HMCN2: variants seen among roughly 807,000 people sequenced by gnomAD.
HMCN2 encodes the protein hemicentin 2.
In HMCN2, 325 loss-of-function variants were observed where a neutral mutation model predicts 377.5. That is an observed-to-expected ratio of 0.86 (90% CI 0.79 to 0.94). HMCN2 has a LOEUF of 0.94. Among genes scored for constraint, HMCN2 ranks in the 40% least tolerant of loss-of-function variants. HMCN2 has a pLI of 0.00. For synonymous variants in HMCN2, 2,007 were observed against 2,046.8 expected, an observed-to-expected ratio of 0.98 and a Z score of 0.53; for missense variants, 4,543 against 4,725.3, an observed-to-expected ratio of 0.96 and a Z score of 1.13.
At position 130,351,438 on chromosome 9, in the gene HMCN2, A is replaced by C; in HGVS notation, c.4446A>C (p.Gly1482=). Residue 1482 remains glycine (G), a synonymous_variant, in exon 30 of 98, where the codon GGA becomes GGC. Coordinates refer to ENST00000683500, the MANE Select transcript of HMCN2 (RefSeq NM_001291815.2). The surrounding 1 kb of genome is among the most constrained non-coding windows in gnomAD (Gnocchi z 5.4). ...WTKDRQPVLP[G]GPHLQVQEDG... is the part of the protein sequence containing the mutation. ...GTCTCTCCAGGCCTGTCCTTCCGGGAGGCCCTCACCTGCAGGTCCAGGAGG... is the reference window on the plus strand; with the variant it reads ...GTCTCTCCAGGCCTGTCCTTCCGGGCGGCCCTCACCTGCAGGTCCAGGAGG... 1 of 1,303,824 alleles carries C rather than the reference A, an allele frequency of 7.7e-7. No homozygotes were observed. The highest frequency in any genetic ancestry group is 1.0e-6 in the Non-Finnish European group (1 of 988,788). The allele number at this position is 1,303,824 out of a possible 1,614,324, so 80.8% of individuals were successfully genotyped here. A position where few individuals can be genotyped will look rare whatever the true frequency, so the allele number is the denominator to read the frequency against.
At chr9:130,418,210 C>A (rs1440950123) in intron 85 of HMCN2, among the ~76,000 whole-genome samples, 1 of 152,190 alleles carries the variant, frequency 6.6e-6, no homozygotes, top group Non-Finnish European at 1.5e-5. Flanking sequence ...TACCTAGCCA[C>A]TAACAACAGA....
chr9:130,362,060 C>T lies in HMCN2; in HGVS notation c.6003C>T (p.Asn2001=). The T allele has an allele frequency of 1.6e-5, 16 of 986,144 alleles. No homozygotes were observed. The highest frequency in any genetic ancestry group is 1.8e-5 in the Non-Finnish European group (15 of 830,134). The allele number at this position is 986,144 out of a possible 1,614,324, so 61.1% of individuals were successfully genotyped here. The change falls in exon 39 of 98, where the codon AAC becomes AAT. Residue 2001 remains asparagine (N), a synonymous_variant. Coordinates refer to ENST00000683500, the MANE Select transcript of HMCN2 (RefSeq NM_001291815.2). ...PPSLPGPVLV[N]TPVRLTCNAT... ...GCCTGCCAGGCCCTGTGTTGGTCAA[C>T]ACCCCTGTCCGGCTGACCTGCAATG...
At chr9:130,386,868 C>A (rs1402581945) in intron 61 of HMCN2, among the ~76,000 whole-genome samples, 1 of 152,220 alleles carries the variant, frequency 6.6e-6, no homozygotes, top group Non-Finnish European at 1.5e-5. Flanking sequence ...CTGCCAGTGA[C>A]CTGCTTCATG....
chr9:130,397,274 G>A (rs73551756), intron 73 of HMCN2, among the ~76,000 whole-genome samples: 27,061 of 152,140 alleles, frequency 0.18, 3,097 homozygotes, highest in African/African-American at 0.32. Flanking sequence ...CAGATCTCGT[G>A]AGACCCATTC....
rs880072 is a variant in HMCN2 at position 130,361,698 on chromosome 9, C to T, written c.5951-310C>T. 0.086 allele frequency among the ~76,000 whole-genome samples: 13,164 copies of T among 152,258 alleles called. 620 individuals are homozygous for T. The highest frequency in any genetic ancestry group is 0.11 in the Admixed American group (1,745 of 15,302). On this transcript the variant is annotated intron_variant, in intron 38 of 97. Transcript: ENST00000683500. The surrounding 1 kb of genome is among the most constrained non-coding windows in gnomAD (Gnocchi z 4.8). ...CAGGGACCCTTGGTCCCCTCCCCAT[C>T]CCCATAATAAATGACCTTCTGCTGA...
At chr9:130,336,697 G>T (rs1480742877) in intron 22 of HMCN2, among the ~76,000 whole-genome samples, 1 of 152,190 alleles carries the variant, frequency 6.6e-6, no homozygotes, top group Non-Finnish European at 1.5e-5. Context: ...GGATGGAGGG[G>T]GTGGCTGGAA....
chr9:130,406,072 A>G lies in HMCN2; in HGVS notation c.12457A>G (p.Ser4153Gly). 7.8e-7 allele frequency: 1 copy of G among 1,289,866 alleles called. No homozygotes were observed. The highest frequency in any genetic ancestry group is 1.2e-5 in the South Asian group (1 of 81,026). 79.9% of individuals were successfully genotyped at this position (1,289,866 alleles called of 1,614,324 possible). Residue 4153 changes from serine to glycine, a missense_variant, in exon 82 of 98, where the codon AGC (serine) becomes GGC (glycine). Ser to Gly is a moderately conservative substitution (Grantham distance 56). Transcript: ENST00000683500. ...PVFTTLPGDRSLRLGDRLWLR... is the reference protein window; with the variant it reads ...PVFTTLPGDRGLRLGDRLWLR... ...GTTCACCACCCTGCCTGGGGACCGC[A>G]GCCTGCGCCTTGGGGACAGGCTGTG...
chr9:130,431,186 C>G (rs945448983), intron 95 of HMCN2, 181 bp from the exon 96 acceptor site: 2 of 641,788 alleles, frequency 3.1e-6, no homozygotes, highest in Non-Finnish European at 2.7e-6. Context: ...GGGCTCCTCC[C>G]TCTCAGCAAG....
In HMCN2 at chr9:130,358,483, T is replaced by C; in HGVS notation, c.5674T>C (p.Leu1892=). 1 of 1,304,236 alleles carries C rather than the reference T, an allele frequency of 7.7e-7. No homozygotes were observed. The highest frequency in any genetic ancestry group is 1.0e-6 in the Non-Finnish European group (1 of 988,942). The allele number at this position is 1,304,236 out of a possible 1,614,324, so 80.8% of individuals were successfully genotyped here. A position where few individuals can be genotyped will look rare whatever the true frequency, so the allele number is the denominator to read the frequency against. ...CAAGAGGGAAGTGGCGCTGAAAGTTTTGGGTGAGGACGTGGGTAACCAGCA... is the reference window on the plus strand; with the variant it reads ...CAAGAGGGAAGTGGCGCTGAAAGTTCTGGGTGAGGACGTGGGTAACCAGCA... ...ESKREVALKV[L]VPPNIEPGPV... Residue 1892 remains leucine, a synonymous_variant, in exon 36 of 98, where the codon TTG becomes CTG. Transcript: ENST00000683500.
chr9:130,281,846 C>T (rs1483569090), intron 1 of HMCN2, among the ~76,000 whole-genome samples: 6 of 146,988 alleles, frequency 4.1e-5, no homozygotes, highest in African/African-American at 1.5e-4. Flanking sequence ...GCCGAGATTG[C>T]ACCACTGTGC....
chr9:130,377,728 C>T lies in HMCN2; in HGVS notation c.8141C>T (p.Ser2714Leu), dbSNP rs768708226. 393 of 985,806 alleles carry T rather than the reference C, an allele frequency of 4.0e-4. 1 individual carries two copies. Among genetic ancestry groups the T allele is most frequent in the Admixed American group, 5.5e-4 (9 of 16,274 alleles). 61.1% of individuals were successfully genotyped at this position (985,806 alleles called of 1,614,324 possible). Residue 2714 changes from serine to leucine, a missense_variant, in exon 53 of 98, where the codon TCG (serine) becomes TTG (leucine). Ser to Leu is a moderately radical substitution (Grantham distance 145, BLOSUM62 -2). Coordinates refer to ENST00000683500, the MANE Select transcript of HMCN2 (RefSeq NM_001291815.2). ...LQIQPTQVSD[S>L]GRYLCVATNV... ...ATCCAGCCCACACAGGTCTCAGACT[C>T]GGGGCGGTACCTGTGTGTGGCCACC...
chr9:130,298,088 G>A (rs781928574), intron 7 of HMCN2, among the ~76,000 whole-genome samples: 1 of 152,156 alleles, frequency 6.6e-6, no homozygotes, highest in African/African-American at 2.4e-5. Flanking sequence ...CCGAGCAGCT[G>A]GGATTATAGG....
Position 130,393,003 on chromosome 9 carries a change from C to CAA in HMCN2, c.10137-198_10137-197dup, listed in dbSNP as rs375618555. 3.5e-3 allele frequency among the ~76,000 whole-genome samples: 484 copies of CAA among 137,078 alleles called. 5 individuals carry two copies. Among genetic ancestry groups the CAA allele is most frequent in the African/African-American group, 0.012 (456 of 37,420 alleles). 89.9% of individuals were successfully genotyped at this position (137,078 alleles called of 152,430 possible). A position where few individuals can be genotyped will look rare whatever the true frequency, so the allele number is the denominator to read the frequency against. ...AGAGTGAGACACCATCTCACCATCTCAAAAAAAAAAAAGAAAAAGAGAGAG... is the reference window on the plus strand; with the variant it reads ...AGAGTGAGACACCATCTCACCATCTCAAAAAAAAAAAAAAGAAAAAGAGAGAG... On this transcript the variant is annotated intron_variant, in intron 66 of 97. Coordinates refer to ENST00000683500, the MANE Select transcript of HMCN2 (RefSeq NM_001291815.2). The surrounding 1 kb of genome is among the most constrained non-coding windows in gnomAD (Gnocchi z 5.2).
At chr9:130,362,729 C>A in intron 39 of HMCN2, 138 bp from the exon 40 acceptor site, 1 of 600,416 alleles carries the variant, frequency 1.7e-6, no homozygotes, top group Non-Finnish European at 2.1e-6. Flanking sequence ...TTCCCTGCAT[C>A]ATGAGGGGCT....
Position 130,303,930 on chromosome 9 carries a change from C to T in HMCN2, c.1543+322C>T, listed in dbSNP as rs1836685276. On this transcript the variant is annotated intron_variant, in intron 10 of 97. Coordinates refer to ENST00000683500, the MANE Select transcript of HMCN2 (RefSeq NM_001291815.2). The surrounding 1 kb of genome is among the most constrained non-coding windows in gnomAD (Gnocchi z 5.2). ...TCTCGTGGTCGGGACAACCTTCGTG[C>T]CTCCAAGTCCCGGCCAGGATGGCGC... 6.6e-6 allele frequency among the ~76,000 whole-genome samples: 1 copy of T among 152,228 alleles called. No homozygotes were observed. The highest frequency in any genetic ancestry group is 2.4e-5 in the African/African-American group (1 of 41,460).
In HMCN2 at chr9:130,382,484, T is replaced by A. The variant is rs572744536; in HGVS notation, c.8545+187T>A. ...GGTTCCAAGTCAGAAGCTTCCTAGCTGTGTGACATTGAGCAAATCACAACC... is the reference window on the plus strand; with the variant it reads ...GGTTCCAAGTCAGAAGCTTCCTAGCAGTGTGACATTGAGCAAATCACAACC... On this transcript the variant is annotated intron_variant, in intron 55 of 97. Coordinates refer to ENST00000683500, the MANE Select transcript of HMCN2 (RefSeq NM_001291815.2). 2.6e-5 allele frequency among the ~76,000 whole-genome samples: 4 copies of A among 152,306 alleles called. No individual in the cohort carries two copies. In the South Asian group the frequency reaches 8.3e-4, roughly 32 times the overall value.
intron 21 of HMCN2, among the ~76,000 whole-genome samples, chr9:130,326,206 G>A (rs1838126878): frequency 6.6e-6 from 1 of 152,096 alleles, no homozygotes; most frequent in African/African-American, 2.4e-5. Flanking sequence ...CTCAGGGCTT[G>A]TGCACATGTA....
intron 86 of HMCN2, 199 bp downstream of exon 86, chr9:130,419,240 C>A: frequency 2.1e-6 from 1 of 478,532 alleles, no homozygotes; most frequent in Non-Finnish European, 3.5e-6. Context: ...GTGCTGTTTG[C>A]TGCTCATCTT....
chr9:130,352,110 C>T (rs900834604), intron 30 of HMCN2, among the ~76,000 whole-genome samples: 3 of 152,296 alleles, frequency 2.0e-5, no homozygotes, highest in Admixed American at 2.0e-4. Flanking sequence ...CTGTACCTGG[C>T]CCAAATTTAC....
Sources: gnomAD v4.1 joint callset for allele counts (sites outside exome capture counted in the v4.1 genomes callset) on GRCh38, gnomAD v4.1.1 for gene constraint, Gnocchi (gnomAD v3.1) non-coding constraint, MANE v1.5 for transcripts, NCBI Gene and HGNC (gene_info 2026-07-23, HGNC 2026-07-21) for gene names.